Variants in PRDM5 observed in about 807,000 individuals in gnomAD.
PRDM5 encodes PR/SET domain 5.
PRDM5 carries 56 observed loss-of-function variants against 81.2 expected under a neutral mutation model. The ratio of observed to expected loss-of-function variants is 0.69; its 90% CI spans 0.56 to 0.86. The LOEUF (loss-of-function observed/expected upper bound fraction) is 0.86, where lower values mean the gene tolerates loss of function less well. Ranked by LOEUF, PRDM5 falls within the 40% of genes least tolerant of loss-of-function variation. The pLI is 0.00. For synonymous variants in PRDM5, 267 were observed against 256.4 expected, an observed-to-expected ratio of 1.04 and a Z score of -0.39; for missense variants, 697 against 770.1, an observed-to-expected ratio of 0.91 and a Z score of 1.12.
At position 120,698,913 on chromosome 4, in the gene PRDM5, C is replaced by T. The variant is rs11933269; in HGVS notation, c.1729-3638G>A. Among the ~76,000 whole-genome samples, 925 of 152,056 alleles carry T rather than the reference C, an allele frequency of 6.1e-3. 13 individuals are homozygous for T. Among genetic ancestry groups the T allele is most frequent in the African/African-American group, 0.021 (886 of 41,492 alleles). On this transcript the variant is annotated intron_variant, in intron 15 of 15. Coordinates refer to ENST00000264808, the MANE Select transcript of PRDM5 (RefSeq NM_018699.4). Reference sequence around the variant, plus strand: ...TTTACTCAGACCAGTGCTTCTCTTTCACTAAGAAAATGTTTCAGCATGCAA... The same window carrying T: ...TTTACTCAGACCAGTGCTTCTCTTTTACTAAGAAAATGTTTCAGCATGCAA...
At chr4:120,805,129 C>T (rs1752721632) in intron 8 of PRDM5, among the ~76,000 whole-genome samples, 1 of 152,150 alleles carries the variant, frequency 6.6e-6, no homozygotes, top group Admixed American at 6.5e-5. Flanking sequence ...TCGACACATA[C>T]ACCCTCCCAA....
intron 3 of PRDM5, among the ~76,000 whole-genome samples, chr4:120,843,361 A>C (rs1291859836): frequency 6.6e-6 from 1 of 151,806 alleles, no homozygotes; most frequent in Admixed American, 6.6e-5. Context: ...AATTAATTTA[A>C]TTTAATGCCA....
At chr4:120,878,988 C>G (rs1762586354) in intron 2 of PRDM5, among the ~76,000 whole-genome samples, 1 of 152,098 alleles carries the variant, frequency 6.6e-6, no homozygotes, top group Non-Finnish European at 1.5e-5. Flanking sequence ...CAGTTTCTAA[C>G]AAAACTAAAC....
At position 120,887,556 on chromosome 4, in the gene PRDM5, C is replaced by A. The variant is rs902038872; in HGVS notation, c.177+19918G>T. Among the ~76,000 whole-genome samples, 2 of 152,210 alleles carry A rather than the reference C, an allele frequency of 1.3e-5. 1 individual carries two copies. Among genetic ancestry groups the A allele is most frequent in the South Asian group, 4.1e-4 (2 of 4,830 alleles). On this transcript the variant is annotated intron_variant, in intron 2 of 15. Coordinates refer to ENST00000264808, the MANE Select transcript of PRDM5 (RefSeq NM_018699.4). ...ACCAGAATAAACCTCATTATCTAAT[C>A]TAGAATTGCCTCTCTAATCCTACAC...
intron 1 of PRDM5, among the ~76,000 whole-genome samples, chr4:120,909,698 G>C (rs1053897538): frequency 1.4e-5 from 2 of 140,414 alleles, no homozygotes; most frequent in Non-Finnish European, 3.1e-5. Context: ...TCAAATAAAT[G>C]CAATGGGATC....
At chr4:120,791,900 T>C (rs143660818) in intron 10 of PRDM5, among the ~76,000 whole-genome samples, 1 of 152,180 alleles carries the variant, frequency 6.6e-6, no homozygotes, top group Non-Finnish European at 1.5e-5. Context: ...CATGTGAGGA[T>C]ACAAGAAGAC....
intron 12 of PRDM5, 65 bp from the exon 13 acceptor site, chr4:120,777,346 C>T: frequency 1.9e-6 from 3 of 1,606,830 alleles, no homozygotes; most frequent in Middle Eastern, 1.7e-4. Flanking sequence ...TGATTAAATG[C>T]CTCTGACAAT....
At chr4:120,892,865 A>C (rs1198941821) in intron 2 of PRDM5, among the ~76,000 whole-genome samples, 4 of 151,444 alleles carry the variant, frequency 2.6e-5, no homozygotes, top group African/African-American at 9.7e-5. Flanking sequence ...CTCCCACCCT[A>C]CCATCTGGGT....
rs565152266 is a variant in PRDM5 at position 120,701,063 on chromosome 4, T to C, written c.1729-5788A>G. Among the ~76,000 whole-genome samples the C allele has an allele frequency of 2.9e-4, 44 of 151,890 alleles. No homozygotes were observed. The East Asian group carries it at 5.4e-3, about 19-fold the overall frequency. On this transcript the variant is annotated intron_variant, in intron 15 of 15. Transcript: ENST00000264808. ...TTGCTTGAACCTGGGAGGCGGAGGTTGCAGTGAGCCAAGATTGTGCCACTG... is the reference window on the plus strand; with the variant it reads ...TTGCTTGAACCTGGGAGGCGGAGGTCGCAGTGAGCCAAGATTGTGCCACTG...
In PRDM5 at chr4:120,818,234, CA is replaced by C. The variant is rs3840104; in HGVS notation, c.650+118del. The C allele has an allele frequency of 0.29, 315,898 of 1,072,200 alleles. 49,617 individuals carry two copies. The highest frequency in any genetic ancestry group is 0.36 in the East Asian group (13,849 of 38,238). The allele number at this position is 1,072,200 out of a possible 1,614,324, so 66.4% of individuals were successfully genotyped here. ...AAATGCTTAATCTCTCATTCACACA[CA>C]AAACATGCGCGTGCGCGCGTGCACA... On this transcript the variant is annotated intron_variant, in intron 5 of 15. Coordinates refer to ENST00000264808, the MANE Select transcript of PRDM5 (RefSeq NM_018699.4).
chr4:120,723,617 G>A (rs77276298), intron 14 of PRDM5, among the ~76,000 whole-genome samples: 16,402 of 151,904 alleles, frequency 0.11, 997 homozygotes, highest in South Asian at 0.18. Context: ...AAGTACAAAT[G>A]AAAGAGAAAG....
intron 13 of PRDM5, among the ~76,000 whole-genome samples, chr4:120,761,667 A>G (rs1244235710): frequency 6.6e-6 from 1 of 152,186 alleles, no homozygotes; most frequent in African/African-American, 2.4e-5. Flanking sequence ...CCACCTCAAT[A>G]TTCAACATCT....
intron 8 of PRDM5, among the ~76,000 whole-genome samples, chr4:120,808,379 G>T (rs1753313229): frequency 6.6e-6 from 1 of 152,142 alleles, no homozygotes; most frequent in South Asian, 2.1e-4. Context: ...GCTAGATACA[G>T]AGTGTTGATT....
chr4:120,850,535 C>T (rs191749885), intron 3 of PRDM5, among the ~76,000 whole-genome samples: 1 of 152,148 alleles, frequency 6.6e-6, no homozygotes, highest in East Asian at 1.9e-4. Context: ...TAATCTATGA[C>T]AAAAAATATG....
intron 15 of PRDM5, among the ~76,000 whole-genome samples, chr4:120,707,276 T>C (rs991017719): frequency 1.3e-5 from 2 of 150,654 alleles, no homozygotes; most frequent in Admixed American, 1.3e-4. Context: ...GTGGTTCGAA[T>C]AGGAAAATCA....
chr4:120,744,319 G>C (rs1222567406), intron 14 of PRDM5, among the ~76,000 whole-genome samples: 1 of 152,132 alleles, frequency 6.6e-6, no homozygotes, highest in Non-Finnish European at 1.5e-5. Flanking sequence ...ATGCCCACAA[G>C]AGAAAGGAGG....
chr4:120,801,837 T>C (rs1056781459), intron 8 of PRDM5, among the ~76,000 whole-genome samples: 1 of 152,096 alleles, frequency 6.6e-6, no homozygotes, highest in Non-Finnish European at 1.5e-5. Context: ...TATATAAAGA[T>C]AGTAAGAGCA....
intron 2 of PRDM5, among the ~76,000 whole-genome samples, chr4:120,899,478 C>A (rs571289470): frequency 6.6e-6 from 1 of 152,330 alleles, no homozygotes; most frequent in Non-Finnish European, 1.5e-5. Flanking sequence ...AAGGCCTGGG[C>A]TCCTAGTCAC....
intron 10 of PRDM5, among the ~76,000 whole-genome samples, chr4:120,791,524 A>T (rs966315603): frequency 2.0e-5 from 3 of 152,220 alleles, no homozygotes; most frequent in African/African-American, 7.2e-5. Flanking sequence ...GATATGAAAG[A>T]GGTGCCTTCT....
Sources: allele counts gnomAD v4.1 joint callset (sites outside exome capture counted in the v4.1 genomes callset), GRCh38; gene constraint gnomAD v4.1.1; transcripts MANE v1.5; gene names NCBI Gene and HGNC (gene_info 2026-07-23, HGNC 2026-07-21).